Variants in C8orf88 observed in about 807,000 individuals in gnomAD.
C8orf88 encodes the protein uncharacterized protein C8orf88.
Under a neutral mutation model 18.4 loss-of-function variants are expected in C8orf88, and 14 were observed. That is an observed-to-expected ratio of 0.76 (90% CI 0.50 to 1.19). The LOEUF (loss-of-function observed/expected upper bound fraction) is 1.19, where lower values mean the gene tolerates loss of function less well. Ranked by LOEUF, C8orf88 falls within the 50% of genes most tolerant of loss-of-function variation. The pLI, the probability that C8orf88 is intolerant of heterozygous loss-of-function variation, is 0.00. For missense variants in C8orf88, 116 were observed against 134.7 expected, an observed-to-expected ratio of 0.86 and a Z score of 0.69; for synonymous variants, 45 against 42.9, an observed-to-expected ratio of 1.05 and a Z score of -0.19.
At chr8:90,960,997 G>C in intron 4 of C8orf88, 149 bp from the exon 5 acceptor site, 2 of 410,734 alleles carry the variant, frequency 4.9e-6, no homozygotes, top group Non-Finnish European at 4.3e-6. Context: ...AAAAGGCTTT[G>C]ACAAGCATCT....
chr8:90,964,905 A>G (rs1811173070), intron 4 of C8orf88, among the ~76,000 whole-genome samples: 2 of 151,592 alleles, frequency 1.3e-5, no homozygotes, highest in African/African-American at 4.8e-5. Flanking sequence ...CTAAAAGGAT[A>G]TAAAAATAGT....
In C8orf88 at chr8:90,958,941, A is replaced by AGTT; in HGVS notation, c.*63_*65dup. 1.1e-6 allele frequency: 1 copy of AGTT among 920,512 alleles called. No homozygotes were observed. Among genetic ancestry groups the AGTT allele is most frequent in the Non-Finnish European group, 1.6e-6 (1 of 616,072 alleles). The allele number at this position is 920,512 out of a possible 1,614,324, so 57.0% of individuals were successfully genotyped here. On this transcript the variant is annotated 3_prime_UTR_variant, in exon 6 of 6. Transcript: ENST00000517562. ...AAATTGAATTGTCACAGTCCATTAC[A>AGTT]GTTATTGTTGCTAGATCCACCTCAT... is the stretch of plus-strand genomic sequence containing the variant.
rs766233183 is a variant in C8orf88, at chr8:90,978,641, G to T, written c.85C>A (p.Pro29Thr). Residue 29 changes from proline to threonine, a missense_variant, in exon 3 of 6, where the codon CCT becomes ACT. By Grantham distance (38) the Pro-to-Thr change is conservative. Transcript: ENST00000517562. Reference protein sequence around the residue: ...HLTSPPGAVFPFNFQNEYPCN... With the variant: ...HLTSPPGAVFTFNFQNEYPCN... ...GGATATTCGTTTTGAAAGTTGAAAG[G>T]GAACACTGCTCCTGTTAGGAGAGGA... 6.6e-7 allele frequency: 1 copy of T among 1,522,842 alleles called. No homozygotes were observed. Among genetic ancestry groups the T allele is most frequent in the South Asian group, 1.2e-5 (1 of 81,658 alleles). The allele number at this position is 1,522,842 out of a possible 1,614,324, so 94.3% of individuals were successfully genotyped here.
chr8:90,961,315 A>C (rs1221474758), intron 4 of C8orf88, among the ~76,000 whole-genome samples: 1 of 151,308 alleles, frequency 6.6e-6, no homozygotes, highest in Non-Finnish European at 1.5e-5. Context: ...GTAATAATGA[A>C]TAGGACCCAA....
At chr8:90,980,654 CTT>C (rs1460124661) in intron 1 of C8orf88, among the ~76,000 whole-genome samples, 193 bp from the exon 2 acceptor site, 3 of 152,072 alleles carry the variant, frequency 2.0e-5, no homozygotes, top group Non-Finnish European at 2.9e-5. Flanking sequence ...AACATTCCCT[CTT>C]TGAAACATTT....
chr8:90,980,334 T>C (rs1811414820), intron 2 of C8orf88, 29 bp downstream of exon 2: 1 of 1,402,982 alleles, frequency 7.1e-7, no homozygotes, highest in Non-Finnish European at 9.4e-7. Context: ...CACATTAATA[T>C]TTAAAGAACT....
chr8:90,961,262 A>G (rs1189461343), intron 4 of C8orf88, among the ~76,000 whole-genome samples: 1 of 151,336 alleles, frequency 6.6e-6, no homozygotes, highest in Admixed American at 6.6e-5. Context: ...AAATTCAAGA[A>G]ACATTTATTG....
intron 3 of C8orf88, among the ~76,000 whole-genome samples, chr8:90,977,231 A>C (rs1811363728): frequency 6.6e-6 from 1 of 152,302 alleles, no homozygotes; most frequent in South Asian, 2.1e-4. Flanking sequence ...ACCAACCAAA[A>C]TATATAATTT....
chr8:90,960,346 C>T (rs1811107644), intron 5 of C8orf88, among the ~76,000 whole-genome samples: 1 of 151,360 alleles, frequency 6.6e-6, no homozygotes, highest in Non-Finnish European at 1.5e-5. Flanking sequence ...ACAAAGATGT[C>T]AGAGAAGTAC....
intron 5 of C8orf88, among the ~76,000 whole-genome samples, chr8:90,960,232 C>A (rs970487350): frequency 5.3e-5 from 8 of 151,230 alleles, no homozygotes; most frequent in Non-Finnish European, 1.0e-4. Context: ...CTAAGAATAG[C>A]AAAGACATGT....
chr8:90,959,177 G>T, intron 5 of C8orf88, 147 bp from the exon 6 acceptor site: 1 of 417,558 alleles, frequency 2.4e-6, no homozygotes, highest in South Asian at 4.6e-5. Context: ...AACTAGAACT[G>T]TCAAATAACA....
intron 3 of C8orf88, among the ~76,000 whole-genome samples, chr8:90,974,306 C>A (rs575809905): frequency 6.6e-6 from 1 of 152,142 alleles, no homozygotes; most frequent in Non-Finnish European, 1.5e-5. Flanking sequence ...GAACATTAGT[C>A]TTGGAACCCA....
intron 5 of C8orf88, among the ~76,000 whole-genome samples, chr8:90,959,946 G>A (rs1460519620): frequency 6.6e-6 from 1 of 151,384 alleles, no homozygotes; most frequent in Non-Finnish European, 1.5e-5. Flanking sequence ...ATCATACTCA[G>A]TAATCTCATG....
At chr8:90,970,007 G>T (rs994089982) in intron 4 of C8orf88, among the ~76,000 whole-genome samples, 6 of 151,916 alleles carry the variant, frequency 3.9e-5, no homozygotes, top group Non-Finnish European at 5.9e-5. Context: ...TAAAACAAGT[G>T]TGACAGAGTT....
chr8:90,984,739 G>A (rs1811480610), intron 1 of C8orf88, among the ~76,000 whole-genome samples: 1 of 152,156 alleles, frequency 6.6e-6, no homozygotes. Flanking sequence ...GTGCCACCGG[G>A]TGGAGGGGGC....
At chr8:90,978,034 A>C (rs1468943933) in intron 3 of C8orf88, among the ~76,000 whole-genome samples, 1 of 152,164 alleles carries the variant, frequency 6.6e-6, no homozygotes, top group Non-Finnish European at 1.5e-5. Context: ...TGGCTAAGAA[A>C]CTGGTGCAAT....
intron 4 of C8orf88, among the ~76,000 whole-genome samples, chr8:90,967,277 T>C (rs1297478171): frequency 6.6e-6 from 1 of 151,856 alleles, no homozygotes; most frequent in Admixed American, 6.6e-5. Flanking sequence ...CACTTGGACA[T>C]GGTATATAAT....
chr8:90,978,499 A>T (rs906014725), intron 3 of C8orf88, 80 bp downstream of exon 3: 1 of 755,220 alleles, frequency 1.3e-6, no homozygotes, highest in African/African-American at 1.8e-5. Context: ...TAAGCATAGT[A>T]TCTGGCACAC....
At chr8:90,975,733 T>C (rs781781349) in intron 3 of C8orf88, among the ~76,000 whole-genome samples, 1 of 152,056 alleles carries the variant, frequency 6.6e-6, no homozygotes, top group Non-Finnish European at 1.5e-5. Flanking sequence ...TTTTATGATA[T>C]CTTATAACGC....
Sources: allele counts gnomAD v4.1 joint callset (sites outside exome capture counted in the v4.1 genomes callset), GRCh38; gene constraint gnomAD v4.1.1; transcripts MANE v1.5; gene names NCBI Gene and HGNC (gene_info 2026-07-23, HGNC 2026-07-21).